Variants in RANBP17 observed in about 807,000 individuals in gnomAD.
The protein encoded by RANBP17 is RAN binding protein 17.
A neutral mutation model predicts 141.2 loss-of-function variants in RANBP17; 158 were observed. The ratio of observed to expected loss-of-function variants is 1.12; its 90% CI spans 0.98 to 1.28. The LOEUF is 1.28. Among genes scored for constraint, RANBP17 ranks in the 50% most tolerant of loss-of-function variants. RANBP17 has a pLI of 0.00. For missense variants in RANBP17, 1,438 were observed against 1,290.7 expected (o/e 1.11, Z -1.75); for synonymous variants, 430 against 450.0 (o/e 0.96, Z 0.56).
intron 14 of RANBP17, among the ~76,000 whole-genome samples, chr5:171,037,776 A>G (rs1781976312): frequency 6.6e-6 from 1 of 152,108 alleles, no homozygotes; most frequent in Non-Finnish European, 1.5e-5. Context: ...CCATTGGTCT[A>G]TGCATCTGTT....
chr5:171,154,259 A>T (rs1030450996), intron 14 of RANBP17, among the ~76,000 whole-genome samples: 1 of 152,046 alleles, frequency 6.6e-6, no homozygotes, highest in Admixed American at 6.6e-5. Context: ...ATAGGTGCCA[A>T]GATTATTTTA....
chr5:171,219,824 A>G (rs928091117), intron 21 of RANBP17, among the ~76,000 whole-genome samples: 5 of 151,972 alleles, frequency 3.3e-5, no homozygotes, highest in African/African-American at 1.2e-4. Context: ...GCTTCCTTGC[A>G]TTGGGTTAGA....
At chr5:171,270,853 A>T (rs954013243) in intron 25 of RANBP17, among the ~76,000 whole-genome samples, 15 of 152,092 alleles carry the variant, frequency 9.9e-5, no homozygotes, top group Admixed American at 9.8e-4. Flanking sequence ...AGCAAGAACT[A>T]TTACGCAATT....
chr5:171,151,726 G>A (rs1454193409), intron 14 of RANBP17, among the ~76,000 whole-genome samples: 3 of 152,118 alleles, frequency 2.0e-5, no homozygotes, highest in African/African-American at 4.8e-5. Context: ...CCTAGCAGTG[G>A]TAATCGCCTC....
At chr5:170,938,934 A>G (rs1436355019) in intron 12 of RANBP17, among the ~76,000 whole-genome samples, 1 of 152,190 alleles carries the variant, frequency 6.6e-6, no homozygotes, top group Non-Finnish European at 1.5e-5. Flanking sequence ...GTTCATCAAT[A>G]CAGCAAGCCC....
rs111479280 is a variant in RANBP17, at chr5:171,104,869, G to T, written c.1711-65261G>T. On this transcript the variant is annotated intron_variant, in intron 14 of 27. Transcript: ENST00000523189. The stretch of plus-strand genomic sequence containing the variant: ...TGTTTCTGTTGATGATGTTGTCATT[G>T]CTATTACAAATATTATTATCAACTT... Among the ~76,000 whole-genome samples the T allele has an allele frequency of 9.5e-3, 1,451 of 152,212 alleles. 26 individuals carry two copies. Among genetic ancestry groups the T allele is most frequent in the African/African-American group, 0.034 (1,394 of 41,516 alleles).
At chr5:171,068,205 A>G (rs979276342) in intron 14 of RANBP17, among the ~76,000 whole-genome samples, 1 of 151,390 alleles carries the variant, frequency 6.6e-6, no homozygotes, top group African/African-American at 2.4e-5. Flanking sequence ...TTATAATTTT[A>G]TTTTCTTTCA....
chr5:170,956,879 G>A (rs1407609251), intron 13 of RANBP17, among the ~76,000 whole-genome samples: 2 of 151,798 alleles, frequency 1.3e-5, no homozygotes, highest in Non-Finnish European at 2.9e-5. Context: ...AGACCATCCT[G>A]GCTAACACGG....
chr5:170,862,235 C>G (rs969598414), intron 1 of RANBP17, among the ~76,000 whole-genome samples, 184 bp downstream of exon 1: 14 of 152,298 alleles, frequency 9.2e-5, no homozygotes, highest in Admixed American at 5.9e-4. Context: ...GCTGCACACC[C>G]CAGGCCCGGG....
intron 14 of RANBP17, among the ~76,000 whole-genome samples, chr5:171,097,802 A>G (rs1379645305): frequency 6.6e-6 from 1 of 151,554 alleles, no homozygotes; most frequent in East Asian, 1.9e-4. Context: ...ACACTCCCCA[A>G]CAGGCCCCAG....
intron 14 of RANBP17, among the ~76,000 whole-genome samples, chr5:171,111,852 T>G (rs2127760315): frequency 6.6e-6 from 1 of 152,306 alleles, no homozygotes; most frequent in South Asian, 2.1e-4. Context: ...TTGTCTCTGG[T>G]CCCCTTTAGG....
intron 14 of RANBP17, among the ~76,000 whole-genome samples, chr5:171,061,225 GC>G (rs1303262057): frequency 6.7e-6 from 1 of 150,058 alleles, no homozygotes; most frequent in African/African-American, 2.4e-5. Context: ...GTTTGCTCTT[GC>G]TTTTCTAGTT....
At chr5:170,881,932 T>C in intron 3 of RANBP17, 36 bp downstream of exon 3, 1 of 1,354,600 alleles carries the variant, frequency 7.4e-7, no homozygotes, top group Non-Finnish European at 1.0e-6. Context: ...CCAACTGCGC[T>C]TTAAAAATCT....
At chr5:170,911,475 C>A (rs1157422482) in intron 7 of RANBP17, 8 of 686,620 alleles carry the variant, frequency 1.2e-5, no homozygotes, top group East Asian at 5.4e-5. Flanking sequence ...TGATCATTTT[C>A]AGGTGCTGGT....
chr5:171,104,592 C>G (rs2127748897), intron 14 of RANBP17, among the ~76,000 whole-genome samples: 1 of 152,236 alleles, frequency 6.6e-6, no homozygotes, highest in Admixed American at 6.5e-5. Flanking sequence ...ATTATCTTTG[C>G]TTTTGAATAA....
intron 13 of RANBP17, among the ~76,000 whole-genome samples, chr5:170,965,029 T>C (rs1417683005): frequency 1.3e-5 from 2 of 152,184 alleles, no homozygotes; most frequent in Non-Finnish European, 2.9e-5. Context: ...GTGAAAGTGT[T>C]CCTATTTCTC....
At chr5:170,870,884 T>G (rs879665858) in intron 1 of RANBP17, among the ~76,000 whole-genome samples, 4 of 152,242 alleles carry the variant, frequency 2.6e-5, no homozygotes, top group Non-Finnish European at 5.9e-5. Context: ...CAGCATCTGT[T>G]GATTCTTGAC....
chr5:170,963,359 C>T lies in RANBP17; in HGVS notation c.1575-4883C>T, dbSNP rs528159029. ...GTATCATAGAGGTAAATGTAGAAAA[C>T]AAGAATCACAAAAATACCTGATTCA... On this transcript the variant is annotated intron_variant, in intron 13 of 27. Coordinates refer to ENST00000523189, the MANE Select transcript of RANBP17 (RefSeq NM_022897.5). Among the ~76,000 whole-genome samples the T allele has an allele frequency of 1.9e-3, 283 of 152,152 alleles. 2 individuals are homozygous for T. The highest frequency in any genetic ancestry group is 6.6e-3 in the African/African-American group (273 of 41,518).
intron 25 of RANBP17, among the ~76,000 whole-genome samples, chr5:171,284,085 T>C (rs1049362944): frequency 6.6e-6 from 1 of 152,188 alleles, no homozygotes; most frequent in Non-Finnish European, 1.5e-5. Context: ...CTTCCTTGCT[T>C]TTGAATGGCC....
Sources: allele counts gnomAD v4.1 joint callset (sites outside exome capture counted in the v4.1 genomes callset), GRCh38; gene constraint gnomAD v4.1.1; transcripts MANE v1.5; gene names NCBI Gene and HGNC (gene_info 2026-07-23, HGNC 2026-07-21).